The following TCAF1 variants were observed in gnomAD, a reference collection of about 807,000 sequenced individuals.
TCAF1 encodes TRPM8 channel associated factor 1.
In TCAF1, 4 loss-of-function variants were observed where a neutral mutation model predicts 27.3. The observed-to-expected ratio is 0.15, with a 90% confidence interval of 0.07 to 0.34. The LOEUF (loss-of-function observed/expected upper bound fraction) is 0.34. TCAF1 is among the 10% of genes least tolerant of loss of function. The pLI is 1.00. For missense variants in TCAF1, 257 were observed against 425.8 expected (o/e 0.60, Z 3.49); for synonymous variants, 105 against 167.1 (o/e 0.63, Z 2.87).
chr7:143,879,250 A>C (rs1812885686), intron 1 of TCAF1, among the ~76,000 whole-genome samples: 1 of 152,196 alleles, frequency 6.6e-6, no homozygotes. Flanking sequence ...ACTTGTGTGG[A>C]AAAAATGCTC....
intron 1 of TCAF1, chr7:143,886,561 G>A: frequency 1.0e-6 from 1 of 983,836 alleles, no homozygotes; most frequent in Non-Finnish European, 1.2e-6. Flanking sequence ...AATGGGGTAA[G>A]AAAGAAAATC....
intron 2 of TCAF1, among the ~76,000 whole-genome samples, chr7:143,875,654 C>T (rs1034989606): frequency 1.3e-5 from 2 of 152,162 alleles, no homozygotes; most frequent in African/African-American, 4.8e-5. Flanking sequence ...CTTCACATTC[C>T]TGTTGAAAGC....
chr7:143,878,829 T>G (rs568335931), intron 1 of TCAF1, among the ~76,000 whole-genome samples: 1 of 152,320 alleles, frequency 6.6e-6, no homozygotes, highest in African/African-American at 2.4e-5. Context: ...TGTTCATGGT[T>G]TCCAATCACA....
chr7:143,880,420 C>CAT (rs1812951572), intron 1 of TCAF1, among the ~76,000 whole-genome samples: 1 of 152,108 alleles, frequency 6.6e-6, no homozygotes, highest in Non-Finnish European at 1.5e-5. Flanking sequence ...ACATACCAGG[C>CAT]TTTTATATGC....
intron 1 of TCAF1, among the ~76,000 whole-genome samples, chr7:143,883,212 G>A (rs1586782808): frequency 6.6e-6 from 1 of 152,206 alleles, no homozygotes; most frequent in East Asian, 1.9e-4. Flanking sequence ...TATTGCCAAG[G>A]GGAAAATACA....
Position 143,876,145 on chromosome 7 carries a change from C to G in TCAF1, c.464G>C (p.Trp155Ser). The change falls in exon 2 of 9, where the codon TGG becomes TCG. Residue 155 changes from tryptophan to serine, a missense_variant. Trp to Ser is a radical substitution (Grantham distance 177, BLOSUM62 -3). Transcript: ENST00000479870. Reference protein sequence around the residue: ...GGGLLIGGQAWDWANQGEDER... With the variant: ...GGGLLIGGQASDWANQGEDER... ...ATCCTCCCCCTGGTTGGCCCAATCC[C>G]AGGCTTGTCCTCCTATGAGCAAGCC... The G allele has an allele frequency of 6.2e-7, 1 of 1,614,230 alleles. No individual in the cohort carries two copies. Among genetic ancestry groups the G allele is most frequent in the Non-Finnish European group, 8.5e-7 (1 of 1,180,026 alleles).
At chr7:143,877,007 A>G (rs1812755667) in intron 1 of TCAF1, among the ~76,000 whole-genome samples, 1 of 152,254 alleles carries the variant, frequency 6.6e-6, no homozygotes, top group Non-Finnish European at 1.5e-5. Context: ...AATGGGTCAT[A>G]GTCCAATGAC....
At chr7:143,885,176 C>G in intron 1 of TCAF1, 1 of 985,576 alleles carries the variant, frequency 1.0e-6, no homozygotes, top group Non-Finnish European at 1.2e-6. Flanking sequence ...CGGGCCTGGT[C>G]TGGTCCCCGA....
At chr7:143,882,392 C>T (rs950496869) in intron 1 of TCAF1, 2 of 985,384 alleles carry the variant, frequency 2.0e-6, no homozygotes, top group Non-Finnish European at 2.4e-6. Flanking sequence ...GACAAAGCAG[C>T]GGATTAGACG....
In TCAF1 at chr7:143,882,931, T is replaced by G. The variant is rs911268638; in HGVS notation, c.-14-6309A>C. 1.9e-5 allele frequency: 18 copies of G among 944,476 alleles called. No homozygotes were observed. The East Asian group carries it at 2.0e-3, about 104-fold the overall frequency. The allele number at this position is 944,476 out of a possible 1,614,324, so 58.5% of individuals were successfully genotyped here. A position where few individuals can be genotyped will look rare whatever the true frequency, so the allele number is the denominator to read the frequency against. ...CCCTCCTCCCCACTTCCTCCCAGGCTGGAGTGGGAGCTCCAGGGGGCGGCG... is the reference window on the plus strand; with the variant it reads ...CCCTCCTCCCCACTTCCTCCCAGGCGGGAGTGGGAGCTCCAGGGGGCGGCG... On this transcript the variant is annotated intron_variant, in intron 1 of 8. Transcript: ENST00000479870.
At chr7:143,896,636 C>T (rs1436251021) in intron 1 of TCAF1, among the ~76,000 whole-genome samples, 1 of 151,826 alleles carries the variant, frequency 6.6e-6, no homozygotes, top group Non-Finnish European at 1.5e-5. Context: ...ACTACAACTA[C>T]AAGATAACAA....
intron 1 of TCAF1, among the ~76,000 whole-genome samples, chr7:143,880,610 A>G (rs1812960641): frequency 6.6e-6 from 1 of 152,218 alleles, no homozygotes; most frequent in African/African-American, 2.4e-5. Context: ...ATGTAAACAC[A>G]CATTAAAAGA....
chr7:143,857,532 T>G (rs1398318117), intron 7 of TCAF1, among the ~76,000 whole-genome samples, 182 bp from the exon 8 acceptor site: 1 of 152,428 alleles, frequency 6.6e-6, no homozygotes, highest in East Asian at 1.9e-4. Context: ...ATTCTAATCT[T>G]AGGAAGGGCC....
In TCAF1 at chr7:143,852,487, CT is replaced by C. The variant is rs1811354270; in HGVS notation, c.*1645del. 6.5e-6 allele frequency: 1 copy of C among 153,468 alleles called. No homozygotes were observed. The highest frequency in any genetic ancestry group is 6.5e-5 in the Admixed American group (1 of 15,292). 9.5% of individuals were successfully genotyped at this position (153,468 alleles called of 1,614,324 possible). On this transcript the variant is annotated 3_prime_UTR_variant, in exon 9 of 9. Coordinates refer to ENST00000479870, the MANE Select transcript of TCAF1 (RefSeq NM_014719.3). ...CTGGAGAATTTCCTCAAGATACTTC[CT>C]CAGTAAGGGTGCAAAGGAGACTTTC... is the stretch of plus-strand genomic sequence containing the variant.
At chr7:143,900,897 T>C (rs550310218) in intron 1 of TCAF1, among the ~76,000 whole-genome samples, 2 of 152,336 alleles carry the variant, frequency 1.3e-5, no homozygotes, top group South Asian at 4.1e-4. Context: ...ATGTCATTAA[T>C]ATAATGTCAT....
chr7:143,882,246 C>A, intron 1 of TCAF1: 1 of 242,428 alleles, frequency 4.1e-6, no homozygotes, highest in Non-Finnish European at 6.5e-6. Flanking sequence ...CTCCAGGGGC[C>A]AGTGCCAGTG....
intron 1 of TCAF1, among the ~76,000 whole-genome samples, chr7:143,877,330 C>G (rs1031278809): frequency 4.6e-5 from 7 of 152,186 alleles, no homozygotes; most frequent in Non-Finnish European, 1.0e-4. Context: ...GTGCTCCCAG[C>G]CCATTCCATC....
At position 143,885,775 on chromosome 7, in the gene TCAF1, T is replaced by C. The variant is rs1027861816; in HGVS notation, c.-14-9153A>G. On this transcript the variant is annotated intron_variant, in intron 1 of 8. Transcript: ENST00000479870. ...AAAAAAAACTTCAAAACTGTTCATA[T>C]GTACTTATATAAACACAGAAATTGT... Among the ~76,000 whole-genome samples the C allele has an allele frequency of 2.6e-4, 39 of 152,170 alleles. 1 individual carries two copies. The highest frequency in any genetic ancestry group is 1.5e-5 in the Non-Finnish European group (1 of 68,050).
intron 1 of TCAF1, among the ~76,000 whole-genome samples, chr7:143,900,740 T>C (rs1168813506): frequency 1.3e-5 from 2 of 152,096 alleles, no homozygotes; most frequent in African/African-American, 4.8e-5. Context: ...TATAGATAAA[T>C]CATACACCTC....
Sources: allele counts gnomAD v4.1 joint callset (sites outside exome capture counted in the v4.1 genomes callset), GRCh38; gene constraint gnomAD v4.1.1; transcripts MANE v1.5; gene names NCBI Gene and HGNC (gene_info 2026-07-23, HGNC 2026-07-21).